HERC3: variants seen among roughly 807,000 people sequenced by gnomAD.
The protein encoded by HERC3 is HECT and RLD domain containing E3 ubiquitin protein ligase 3, also known as probable E3 ubiquitin-protein ligase HERC3.
HERC3 carries 58 observed loss-of-function variants against 129.9 expected under a neutral mutation model. The observed-to-expected ratio is 0.45, with a 90% CI of 0.36 to 0.56. The LOEUF is 0.56. Among genes scored for constraint, HERC3 ranks in the 20% least tolerant of loss-of-function variants. The probability of loss-of-function intolerance (pLI) is 0.00; values close to 1 mark genes in which losing one functional copy is unlikely to be tolerated. For synonymous variants in HERC3, 430 were observed against 451.0 expected, an observed-to-expected ratio of 0.95 and a Z score of 0.59; for missense variants, 835 against 1,244.2, an observed-to-expected ratio of 0.67 and a Z score of 4.95.
At chr4:88,565,287 T>C in the HERC3 span, among the ~76,000 whole-genome samples, 1 of 152,126 alleles carries the variant, frequency 6.6e-6, no homozygotes, top group Non-Finnish European at 1.5e-5. Flanking sequence ...AATGTTGCTT[T>C]GTTGATTTTC....
intron 10 of HERC3, among the ~76,000 whole-genome samples, chr4:88,661,597 A>G (rs1047040690): frequency 1.3e-5 from 2 of 152,226 alleles, no homozygotes; most frequent in Non-Finnish European, 2.9e-5. Context: ...GATCAAGAAC[A>G]AGGCTTGGGG....
intron 3 of HERC3, among the ~76,000 whole-genome samples, chr4:88,646,035 C>T (rs1194503387): frequency 6.6e-6 from 1 of 152,140 alleles, no homozygotes; most frequent in African/African-American, 2.4e-5. Context: ...AGAGGAAAGA[C>T]AATATAGCTT....
At chr4:88,657,885 T>G (rs1161752429) in intron 9 of HERC3, among the ~76,000 whole-genome samples, 1 of 151,858 alleles carries the variant, frequency 6.6e-6, no homozygotes, top group African/African-American at 2.4e-5. Context: ...GAGAATCCCA[T>G]GTGCCAGGGG....
chr4:88,581,652 A>G, the HERC3 span, among the ~76,000 whole-genome samples: 1 of 152,002 alleles, frequency 6.6e-6, no homozygotes, highest in African/African-American at 2.4e-5. Context: ...GGGTCTCAGC[A>G]TGTTGCCCAC....
chr4:88,654,363 TATATATATATATATATATATATATAC>T (rs1489916784), intron 7 of HERC3, among the ~76,000 whole-genome samples: 1 of 71,436 alleles, frequency 1.4e-5, no homozygotes, highest in East Asian at 7.3e-4. Flanking sequence ...TATATATATA[TATATATATATATATATATATATATAC>T]ACACACACAC....
At chr4:88,673,524 G>A (rs1050451765) in intron 16 of HERC3, among the ~76,000 whole-genome samples, 1 of 152,182 alleles carries the variant, frequency 6.6e-6, no homozygotes, top group Non-Finnish European at 1.5e-5. Context: ...TGGTCCACTA[G>A]TACTTTACTA....
At chr4:88,705,655 C>G (rs1735714233) in intron 25 of HERC3, among the ~76,000 whole-genome samples, 1 of 152,126 alleles carries the variant, frequency 6.6e-6, no homozygotes, top group Non-Finnish European at 1.5e-5. Context: ...ACAAATTCAG[C>G]CTTTTAAAAA....
the HERC3 span, among the ~76,000 whole-genome samples, chr4:88,562,657 C>T: frequency 6.6e-6 from 1 of 152,090 alleles, no homozygotes; most frequent in Non-Finnish European, 1.5e-5. Flanking sequence ...AAACTTTAAT[C>T]CATTTTGATT....
intron 24 of HERC3, 112 bp downstream of exon 24, chr4:88,704,393 T>A: frequency 7.9e-7 from 1 of 1,261,480 alleles, no homozygotes; most frequent in Non-Finnish European, 1.1e-6. Flanking sequence ...GAGTTAGATT[T>A]AGAGGTGTCC....
chr4:88,537,719 A>G, the HERC3 span, among the ~76,000 whole-genome samples: 1 of 152,388 alleles, frequency 6.6e-6, no homozygotes, highest in Non-Finnish European at 1.5e-5. Flanking sequence ...TAGAGATTAC[A>G]TATAAAAATC....
Position 88,687,213 on chromosome 4 carries a change from A to T in HERC3, c.2575-4A>T. ...AATATTTCTTTTTTCCACCTTAAAT[A>T]TAGATCTGCCGAGAAAGCTATGGAG... On this transcript the variant is annotated splice_region_variant and splice_polypyrimidine_tract_variant and intron_variant, in intron 22 of 25. Transcript: ENST00000402738. 2.5e-6 allele frequency: 4 copies of T among 1,605,738 alleles called. No individual in the cohort carries two copies. Among genetic ancestry groups the T allele is most frequent in the Non-Finnish European group, 3.4e-6 (4 of 1,174,064 alleles).
At chr4:88,641,765 A>G (rs1032530363) in intron 3 of HERC3, among the ~76,000 whole-genome samples, 3 of 152,140 alleles carry the variant, frequency 2.0e-5, no homozygotes, top group African/African-American at 7.2e-5. Context: ...TGCAATAGAT[A>G]ATCTAAATAG....
Position 88,606,738 on chromosome 4 carries a change from A to G in HERC3, c.226+689A>G, listed in dbSNP as rs149782514. ...TCAGATCTCTTAAGACTCATTCACT[A>G]TTATGAGAACAGCACAGGAAAGACC... On this transcript the variant is annotated intron_variant, in intron 3 of 25. Coordinates refer to ENST00000402738, the MANE Select transcript of HERC3 (RefSeq NM_014606.3). Among the ~76,000 whole-genome samples, 821 of 152,268 alleles carry G rather than the reference A, an allele frequency of 5.4e-3. 4 individuals are homozygous for G. Among genetic ancestry groups the G allele is most frequent in the Middle Eastern group, 0.014 (4 of 294 alleles).
the HERC3 span, among the ~76,000 whole-genome samples, chr4:88,548,908 T>A: frequency 6.6e-6 from 1 of 152,044 alleles, no homozygotes; most frequent in African/African-American, 2.4e-5. Flanking sequence ...TGATCCGCCC[T>A]CATCAGCCTC....
At chr4:88,665,476 AT>A (rs1730952401) in intron 12 of HERC3, among the ~76,000 whole-genome samples, 1 of 152,146 alleles carries the variant, frequency 6.6e-6, no homozygotes. Context: ...GAGAGAAATA[AT>A]TTGTCTTTGC....
intron 1 of HERC3, 74 bp downstream of exon 1, chr4:88,592,648 C>A (rs1326743433): frequency 6.6e-6 from 1 of 152,212 alleles, no homozygotes; most frequent in Non-Finnish European, 1.5e-5. Context: ...CCGCGTTCCG[C>A]CTGGCACTGC....
intron 23 of HERC3, chr4:88,693,452 AT>A (rs1734277789): frequency 1.0e-6 from 1 of 973,420 alleles, no homozygotes; most frequent in African/African-American, 1.8e-5. Context: ...AAAAAGTTGC[AT>A]TTCTTTCACA....
At chr4:88,693,736 T>A in intron 23 of HERC3, 1 of 964,646 alleles carries the variant, frequency 1.0e-6, no homozygotes, top group African/African-American at 1.8e-5. Context: ...TGCCATGCCA[T>A]TTTTCACAGT....
At chr4:88,635,200 T>G (rs1054630841) in intron 3 of HERC3, among the ~76,000 whole-genome samples, 2 of 151,968 alleles carry the variant, frequency 1.3e-5, no homozygotes, top group African/African-American at 4.8e-5. Flanking sequence ...AACAACAAAC[T>G]TCGCTGAGGT....
Sources: allele counts gnomAD v4.1 joint callset (sites outside exome capture counted in the v4.1 genomes callset), GRCh38; gene constraint gnomAD v4.1.1; transcripts MANE v1.5; gene names NCBI Gene and HGNC (gene_info 2026-07-23, HGNC 2026-07-21).